The following H2BC21 variants were observed in gnomAD, a reference collection of about 807,000 sequenced individuals.
H2BC21 encodes histone H2B type 2-E.
In H2BC21, 2 loss-of-function variants were observed where a neutral mutation model predicts 6.2. The ratio of observed to expected loss-of-function variants is 0.32; its 90% CI spans 0.13 to 1.02. The LOEUF is 1.02. H2BC21 is among the 50% of genes least tolerant of loss of function. The pLI is 0.47. For missense variants in H2BC21, 98 were observed against 172.2 expected, an observed-to-expected ratio of 0.57 and a Z score of 2.41; for synonymous variants, 109 against 75.2, an observed-to-expected ratio of 1.45 and a Z score of -2.33.
In H2BC21 at chr1:149,886,474, G is replaced by A; in HGVS notation, c.167C>T (p.Ser56Leu). Residue 56 changes from serine to leucine, a missense_variant, in exon 1 of 1, where the codon TCG becomes TTG. This residue lies in a region of H2BC21 where 48 missense variants were observed against 137.8 expected (regional missense o/e 0.35). Coordinates refer to ENST00000369155, the MANE Select transcript of H2BC21 (RefSeq NM_003528.3). ...LKQVHPDTGI[S>L]SKAMGIMNSF... ...GTTCATGATGCCCATGGCCTTGGACGAGATGCCGGTGTCGGGGTGGACCTG... is the reference window on the plus strand; with the variant it reads ...GTTCATGATGCCCATGGCCTTGGACAAGATGCCGGTGTCGGGGTGGACCTG... The A allele has an allele frequency of 1.2e-6, 2 of 1,614,258 alleles. No individual in the cohort carries two copies. The highest frequency in any genetic ancestry group is 1.7e-6 in the Non-Finnish European group (2 of 1,180,042).
Position 149,885,255 on chromosome 1 carries a change from G to A in H2BC21, c.*1005C>T, listed in dbSNP as rs1199024378. On this transcript the variant is annotated 3_prime_UTR_variant, in exon 1 of 1. Transcript: ENST00000369155. The stretch of plus-strand genomic sequence containing the variant: ...TGGAAAAATTAACCCAACAATATTA[G>A]ATCAATACGTAGTATTTAAGTGTCC... The A allele has an allele frequency of 2.6e-5, 4 of 152,588 alleles. No homozygotes were observed. The highest frequency in any genetic ancestry group is 6.5e-5 in the Admixed American group (1 of 15,276). The allele number at this position is 152,588 out of a possible 1,614,324, so 9.5% of individuals were successfully genotyped here. A position where few individuals can be genotyped will look rare whatever the true frequency, so the allele number is the denominator to read the frequency against.
In H2BC21 at chr1:149,886,494, G is replaced by T. The variant is rs1473616086; in HGVS notation, c.147C>A (p.Val49=). Residue 49 remains valine (V), a synonymous_variant, in exon 1 of 1, where the codon GTC becomes GTA. Transcript: ENST00000369155. ...SIYVYKVLKQ[V]HPDTGISSKA... ...TGGACGAGATGCCGGTGTCGGGGTG[G>T]ACCTGCTTCAGCACCTTGTACACGT... 6.2e-7 allele frequency: 1 copy of T among 1,614,286 alleles called. No individual in the cohort carries two copies. Among genetic ancestry groups the T allele is most frequent in the Non-Finnish European group, 8.5e-7 (1 of 1,180,058 alleles).
chr1:149,886,517 C>G lies in H2BC21; in HGVS notation c.124G>C (p.Val42Leu). 1 of 1,614,260 alleles carries G rather than the reference C, an allele frequency of 6.2e-7. No individual in the cohort carries two copies. The highest frequency in any genetic ancestry group is 1.3e-5 in the African/African-American group (1 of 75,064). Residue 42 changes from valine (V) to leucine (L), a missense_variant, in exon 1 of 1, where the codon GTG becomes CTG. This residue lies in a region of H2BC21 where 48 missense variants were observed against 137.8 expected (regional missense o/e 0.35). Coordinates refer to ENST00000369155, the MANE Select transcript of H2BC21 (RefSeq NM_003528.3). ...TGGACCTGCTTCAGCACCTTGTACA[C>G]GTAGATGGAGTAGCTCTCTTTGCGG... ...RSRKESYSIY[V>L]YKVLKQVHPD...
In H2BC21 at chr1:149,886,350, C is replaced by T. The variant is rs150921672; in HGVS notation, c.291G>A (p.Thr97=). Residue 97 remains threonine, a synonymous_variant, in exon 1 of 1, where the codon ACG becomes ACA. Transcript: ENST00000369155. The part of the protein sequence containing the change: ...RSTITSREIQ[T]AVRLLLPGEL... ...CGCCGGGCAGCAGCAGGCGCACGGCCGTCTGGATCTCGCGGGATGTGATGG... is the reference window on the plus strand; with the variant it reads ...CGCCGGGCAGCAGCAGGCGCACGGCTGTCTGGATCTCGCGGGATGTGATGG... 8.5e-4 allele frequency: 1,366 copies of T among 1,614,184 alleles called. 5 individuals carry two copies. Among genetic ancestry groups the T allele is most frequent in the Non-Finnish European group, 1.1e-3 (1,255 of 1,180,036 alleles).
chr1:149,886,115 C>CTT lies in H2BC21; in HGVS notation c.*144_*145insAA. 7.2e-7 allele frequency: 1 copy of CTT among 1,395,356 alleles called. No individual in the cohort carries two copies. The highest frequency in any genetic ancestry group is 9.7e-7 in the Non-Finnish European group (1 of 1,032,494). 86.4% of individuals were successfully genotyped at this position (1,395,356 alleles called of 1,614,324 possible). On this transcript the variant is annotated 3_prime_UTR_variant, in exon 1 of 1. Transcript: ENST00000369155. ...TATGCCATTTCCCATGACCTTCACA[C>CTT]TAAAATAACTTACTTTATGAAAAGA...
chr1:149,885,989 GGAAGGCTAAGCAGCACAATGA>G lies in H2BC21; in HGVS notation c.*250_*270del, dbSNP rs2092295315. On this transcript the variant is annotated 3_prime_UTR_variant, in exon 1 of 1. Transcript: ENST00000369155. ...CAGCCTAATTGAGAACCGACTCCTG[GGAAGGCTAAGCAGCACAATGA>G]GTAAAGACACGCTCTAGATTCAAAA... 1 of 564,702 alleles carries G rather than the reference GGAAGGCTAAGCAGCACAATGA, an allele frequency of 1.8e-6. No homozygotes were observed. Among genetic ancestry groups the G allele is most frequent in the Non-Finnish European group, 3.0e-6 (1 of 330,280 alleles). 35.0% of individuals were successfully genotyped at this position (564,702 alleles called of 1,614,324 possible).
In H2BC21 at chr1:149,886,122, A is replaced by G; in HGVS notation, c.*138T>C. On this transcript the variant is annotated 3_prime_UTR_variant, in exon 1 of 1. Transcript: ENST00000369155. ...TTTCCCATGACCTTCACACTAAAAT[A>G]ACTTACTTTATGAAAAGAAACTAAG... 1 of 1,424,186 alleles carries G rather than the reference A, an allele frequency of 7.0e-7. No individual in the cohort carries two copies. Among genetic ancestry groups the G allele is most frequent in the Non-Finnish European group, 9.5e-7 (1 of 1,053,916 alleles). 88.2% of individuals were successfully genotyped at this position (1,424,186 alleles called of 1,614,324 possible).
At position 149,886,039 on chromosome 1, in the gene H2BC21, A is replaced by T; in HGVS notation, c.*221T>A. The T allele has an allele frequency of 1.3e-6, 1 of 747,852 alleles. No individual in the cohort carries two copies. Among genetic ancestry groups the T allele is most frequent in the Non-Finnish European group, 2.1e-6 (1 of 473,836 alleles). 46.3% of individuals were successfully genotyped at this position (747,852 alleles called of 1,614,324 possible). ...AAGACACGCTCTAGATTCAAAAGCAAATCCAATGACGCACTGGGGACCTCG... is the reference window on the plus strand; with the variant it reads ...AAGACACGCTCTAGATTCAAAAGCATATCCAATGACGCACTGGGGACCTCG... On this transcript the variant is annotated 3_prime_UTR_variant, in exon 1 of 1. Transcript: ENST00000369155.
Sources: allele counts gnomAD v4.1 joint callset, GRCh38; gene constraint gnomAD v4.1.1; regional missense constraint gnomAD v4.1.1; transcripts MANE v1.5; gene names NCBI Gene and HGNC (gene_info 2026-07-23, HGNC 2026-07-21).